The following ERBB4 variants were observed in gnomAD, a reference collection of about 807,000 sequenced individuals.
The protein encoded by ERBB4 is erb-b2 receptor tyrosine kinase 4, also known as receptor tyrosine-protein kinase erbB-4.
A neutral mutation model predicts 158.0 loss-of-function variants in ERBB4; 42 were observed. That is an observed-to-expected ratio of 0.27 (90% CI 0.21 to 0.34). The LOEUF is 0.34. Among genes scored for constraint, ERBB4 ranks in the 10% least tolerant of loss-of-function variants. The pLI, the probability that ERBB4 is intolerant of heterozygous loss-of-function variation, is 1.00. For synonymous variants in ERBB4, 583 were observed against 558.7 expected (o/e 1.04, Z -0.61); for missense variants, 1,333 against 1,624.1 (o/e 0.82, Z 3.08).
At chr2:211,681,474 T>C (rs1296433653) in intron 12 of ERBB4, among the ~76,000 whole-genome samples, 1 of 152,174 alleles carries the variant, frequency 6.6e-6, no homozygotes, top group East Asian at 1.9e-4. Context: ...TTTACATTCC[T>C]ACCATCAATG....
chr2:212,235,764 CTCTT>C (rs1574490539), intron 1 of ERBB4, among the ~76,000 whole-genome samples: 4 of 152,120 alleles, frequency 2.6e-5, no homozygotes, highest in Admixed American at 1.3e-4. Flanking sequence ...ATTTGGCTCT[CTCTT>C]TGTCTATTAT....
chr2:211,955,632 T>C (rs2081006883), intron 2 of ERBB4, among the ~76,000 whole-genome samples: 1 of 152,170 alleles, frequency 6.6e-6, no homozygotes. Flanking sequence ...TATATTCTCA[T>C]AACAAGTAGC....
chr2:211,585,918 T>C (rs1406092254), intron 19 of ERBB4, among the ~76,000 whole-genome samples: 1 of 152,172 alleles, frequency 6.6e-6, no homozygotes, highest in Non-Finnish European at 1.5e-5. Flanking sequence ...ATTAAAGTTA[T>C]ACATATCCAG....
At chr2:212,180,076 G>T (rs753346998) in intron 1 of ERBB4, among the ~76,000 whole-genome samples, 4 of 151,702 alleles carry the variant, frequency 2.6e-5, no homozygotes, top group Non-Finnish European at 5.9e-5. Flanking sequence ...TTTTGAAAGA[G>T]AATTGTGATA....
intron 2 of ERBB4, among the ~76,000 whole-genome samples, chr2:211,966,841 G>A (rs900729666): frequency 6.6e-6 from 1 of 152,030 alleles, no homozygotes; most frequent in Non-Finnish European, 1.5e-5. Flanking sequence ...AATGCCCATG[G>A]AGATAAGGTA....
At chr2:211,924,258 A>C (rs190713817) in intron 3 of ERBB4, among the ~76,000 whole-genome samples, 1 of 152,276 alleles carries the variant, frequency 6.6e-6, no homozygotes, top group Non-Finnish European at 1.5e-5. Context: ...GTAGTTTTCC[A>C]GGGGTTGGCA....
intron 19 of ERBB4, among the ~76,000 whole-genome samples, chr2:211,562,918 C>G (rs2067443736): frequency 1.3e-5 from 2 of 151,600 alleles, no homozygotes; most frequent in South Asian, 2.1e-4. Flanking sequence ...ACTACAGGCG[C>G]CCGCCACTAC....
chr2:212,072,105 T>C (rs1297279639), intron 2 of ERBB4, among the ~76,000 whole-genome samples: 1 of 151,962 alleles, frequency 6.6e-6, no homozygotes, highest in Non-Finnish European at 1.5e-5. Flanking sequence ...GTCCATAGTA[T>C]TTTTCTAGGC....
At chr2:212,170,610 C>T (rs918772278) in intron 1 of ERBB4, among the ~76,000 whole-genome samples, 1 of 152,088 alleles carries the variant, frequency 6.6e-6, no homozygotes, top group African/African-American at 2.4e-5. Flanking sequence ...GGGCCCCAGG[C>T]CTTGCAGTTT....
At chr2:211,418,948 A>C (rs1271289139) in intron 25 of ERBB4, among the ~76,000 whole-genome samples, 7 of 152,124 alleles carry the variant, frequency 4.6e-5, no homozygotes, top group Non-Finnish European at 8.8e-5. Flanking sequence ...TTTTAACAGA[A>C]AAGAAAAAAT....
chr2:212,392,026 T>C (rs1417769721), intron 1 of ERBB4, among the ~76,000 whole-genome samples: 2 of 151,556 alleles, frequency 1.3e-5, no homozygotes, highest in Non-Finnish European at 3.0e-5. Flanking sequence ...ATATTCACCA[T>C]CTTTACAGTT....
chr2:211,738,679 T>G (rs941468812), intron 5 of ERBB4, among the ~76,000 whole-genome samples: 4 of 150,218 alleles, frequency 2.7e-5, no homozygotes, highest in African/African-American at 4.9e-5. Context: ...GCCCTCTTTT[T>G]TTTTTTGAGA....
At chr2:211,790,558 CT>C in intron 3 of ERBB4, among the ~76,000 whole-genome samples, 1 of 151,978 alleles carries the variant, frequency 6.6e-6, no homozygotes, top group Non-Finnish European at 1.5e-5. Flanking sequence ...TAGAAATAGT[CT>C]GTTCGAGAGC....
intron 2 of ERBB4, among the ~76,000 whole-genome samples, chr2:212,058,102 G>A (rs2077638315): frequency 6.6e-6 from 1 of 152,144 alleles, no homozygotes; most frequent in South Asian, 2.1e-4. Flanking sequence ...AAATGATAAA[G>A]GGGATATCAC....
intron 12 of ERBB4, among the ~76,000 whole-genome samples, chr2:211,690,432 AAATC>A (rs1449920737): frequency 6.6e-6 from 1 of 152,170 alleles, no homozygotes; most frequent in Non-Finnish European, 1.5e-5. Flanking sequence ...GCTTCACCCA[AAATC>A]TTACCTCTCT....
intron 23 of ERBB4, among the ~76,000 whole-genome samples, chr2:211,423,255 G>A (rs897035743): frequency 3.3e-5 from 5 of 151,944 alleles, no homozygotes; most frequent in Admixed American, 2.6e-4. Flanking sequence ...GACCTGAACT[G>A]CAAAGAACAT....
chr2:211,973,615 A>G (rs1023154035), intron 2 of ERBB4, among the ~76,000 whole-genome samples: 28 of 152,214 alleles, frequency 1.8e-4, no homozygotes, highest in African/African-American at 6.8e-4. Context: ...AAAAAAGAAT[A>G]CTTATACACT....
intron 3 of ERBB4, among the ~76,000 whole-genome samples, chr2:211,798,199 AC>A (rs1185877359): frequency 6.6e-6 from 1 of 152,074 alleles, no homozygotes; most frequent in African/African-American, 2.4e-5. Flanking sequence ...GCTGACTTCT[AC>A]CACAACAAAT....
intron 2 of ERBB4, among the ~76,000 whole-genome samples, chr2:212,000,224 G>C (rs1244677770): frequency 6.6e-6 from 1 of 151,728 alleles, no homozygotes; most frequent in African/African-American, 2.4e-5. Flanking sequence ...TGAATGCTAA[G>C]ACTAATCCTC....
Sources: allele counts gnomAD v4.1 joint callset (sites outside exome capture counted in the v4.1 genomes callset), GRCh38; gene constraint gnomAD v4.1.1; transcripts MANE v1.5; gene names NCBI Gene and HGNC (gene_info 2026-07-23, HGNC 2026-07-21).